The following MARCO variants were observed in gnomAD, a reference collection of about 807,000 sequenced individuals.
MARCO encodes macrophage receptor with collagenous structure, also known as macrophage receptor MARCO.
In MARCO, 72 loss-of-function variants were observed where a neutral mutation model predicts 70.0. The observed-to-expected ratio is 1.03, with a 90% CI of 0.85 to 1.25. The LOEUF (loss-of-function observed/expected upper bound fraction) is 1.25. Ranked by LOEUF, MARCO falls within the 50% of genes most tolerant of loss-of-function variation. The pLI, the probability that MARCO is intolerant of heterozygous loss-of-function variation, is 0.00. For synonymous variants in MARCO, 273 were observed against 243.1 expected, an observed-to-expected ratio of 1.12 and a Z score of -1.14; for missense variants, 696 against 659.3, an observed-to-expected ratio of 1.06 and a Z score of -0.61.
At chr2:118,988,620 A>T (rs1680559951) in intron 12 of MARCO, among the ~76,000 whole-genome samples, 1 of 151,928 alleles carries the variant, frequency 6.6e-6, no homozygotes, top group Non-Finnish European at 1.5e-5. Context: ...CTGGATGTGG[A>T]CTGTTTTCTA....
At position 118,992,425 on chromosome 2, in the gene MARCO, A is replaced by G. The variant is rs945159615; in HGVS notation, c.1208-7A>G. 2 of 1,613,562 alleles carry G rather than the reference A, an allele frequency of 1.2e-6. No homozygotes were observed. Among genetic ancestry groups the G allele is most frequent in the Non-Finnish European group, 1.7e-6 (2 of 1,179,506 alleles). ...TTCAAACCGTGTGGGTTTTCTCCTC[A>G]TGACAGGATCTTCTGGGGAGCAAGG... is the stretch of plus-strand genomic sequence containing the variant. On this transcript the variant is annotated splice_polypyrimidine_tract_variant and splice_region_variant and intron_variant, in intron 14 of 16. Transcript: ENST00000327097.
intron 12 of MARCO, among the ~76,000 whole-genome samples, chr2:118,986,536 AAG>A (rs201823074): frequency 2.5e-4 from 27 of 108,824 alleles, no homozygotes; most frequent in Non-Finnish European, 4.2e-4. Context: ...GAAAGAAAGA[AAG>A]AGAGAGAGAG....
rs193030286 is a variant in MARCO at position 118,994,284 on chromosome 2, G to A, written c.1430-103G>A. The A allele has an allele frequency of 6.5e-4, 828 of 1,280,992 alleles. 1 individual carries two copies. Among genetic ancestry groups the A allele is most frequent in the Non-Finnish European group, 8.3e-4 (741 of 888,350 alleles). 79.4% of individuals were successfully genotyped at this position (1,280,992 alleles called of 1,614,324 possible). A position where few individuals can be genotyped will look rare whatever the true frequency, so the allele number is the denominator to read the frequency against. On this transcript the variant is annotated intron_variant, in intron 16 of 16. Coordinates refer to ENST00000327097, the MANE Select transcript of MARCO (RefSeq NM_006770.4). ...AATGGGCCAGAATGAGTGAGAAGTC[G>A]GCAGTCCACCTCAGATGGAAGCTCC...
intron 1 of MARCO, among the ~76,000 whole-genome samples, chr2:118,961,801 T>C (rs1679952996): frequency 6.6e-6 from 1 of 152,242 alleles, no homozygotes; most frequent in African/African-American, 2.4e-5. Flanking sequence ...CCCATGCCTA[T>C]GTCCTGAATG....
intron 12 of MARCO, among the ~76,000 whole-genome samples, chr2:118,983,948 C>T (rs575092491): frequency 6.6e-6 from 1 of 152,130 alleles, no homozygotes; most frequent in Non-Finnish European, 1.5e-5. Flanking sequence ...GGAATCCTGC[C>T]CTGCCCTTTG....
At position 118,990,569 on chromosome 2, in the gene MARCO, C is replaced by CGGGGGGGGTG; in HGVS notation, c.1064-20_1064-19insGGGGGGGGTG. ...AGTTTTATTATCTCCTCCCCCCCCCCTTTTTTGTTTTGATCTTAGGACTTC... is the reference window on the plus strand; with the variant it reads ...AGTTTTATTATCTCCTCCCCCCCCCCGGGGGGGGTGTTTTTTGTTTTGATCTTAGGACTTC... On this transcript the variant is annotated intron_variant, in intron 12 of 16. Coordinates refer to ENST00000327097, the MANE Select transcript of MARCO (RefSeq NM_006770.4). The CGGGGGGGGTG allele has an allele frequency of 7.1e-7, 1 of 1,415,976 alleles. No individual in the cohort carries two copies. Among genetic ancestry groups the CGGGGGGGGTG allele is most frequent in the Non-Finnish European group, 9.7e-7 (1 of 1,028,330 alleles). The allele number at this position is 1,415,976 out of a possible 1,614,324, so 87.7% of individuals were successfully genotyped here. A position where few individuals can be genotyped will look rare whatever the true frequency, so the allele number is the denominator to read the frequency against.
chr2:118,947,942 A>C (rs989439907), intron 1 of MARCO, among the ~76,000 whole-genome samples: 4 of 152,192 alleles, frequency 2.6e-5, no homozygotes, highest in Admixed American at 6.5e-5. Flanking sequence ...TGATATCTTT[A>C]TTATTGCAGA....
At chr2:118,954,536 C>G (rs1470332946) in intron 1 of MARCO, among the ~76,000 whole-genome samples, 1 of 152,186 alleles carries the variant, frequency 6.6e-6, no homozygotes. Flanking sequence ...TCTAGGGCCA[C>G]ACCCACTGCC....
intron 1 of MARCO, among the ~76,000 whole-genome samples, chr2:118,954,140 T>C (rs1046103268): frequency 3.9e-5 from 6 of 152,330 alleles, no homozygotes; most frequent in African/African-American, 1.4e-4. Context: ...GCCCTTGTCT[T>C]TGGCAGCTGG....
chr2:118,965,005 GT>G (rs1680017908), intron 1 of MARCO, among the ~76,000 whole-genome samples: 1 of 151,434 alleles, frequency 6.6e-6, no homozygotes, highest in Non-Finnish European at 1.5e-5. Context: ...TGTTTTCAAT[GT>G]TTTAGTTATG....
At position 118,981,520 on chromosome 2, in the gene MARCO, G is replaced by A. The variant is rs199632664; in HGVS notation, c.865+13G>A. 3.1e-5 allele frequency: 49 copies of A among 1,600,142 alleles called. No individual in the cohort carries two copies. The African/African-American group carries it at 5.0e-4, about 16-fold the overall frequency. ...CCAGGCCCACCAGGTAAGAGGGCAC[G>A]TGGTCACATCCACTGACCTCTAGGT... On this transcript the variant is annotated intron_variant, in intron 9 of 16. Coordinates refer to ENST00000327097, the MANE Select transcript of MARCO (RefSeq NM_006770.4).
intron 16 of MARCO, among the ~76,000 whole-genome samples, chr2:118,994,030 G>A (rs1680673769): frequency 6.6e-6 from 1 of 152,202 alleles, no homozygotes; most frequent in Non-Finnish European, 1.5e-5. Flanking sequence ...GATTACAGAG[G>A]CATGTGAGGC....
chr2:118,947,038 A>C (rs2104544446), intron 1 of MARCO, among the ~76,000 whole-genome samples: 1 of 152,200 alleles, frequency 6.6e-6, no homozygotes, highest in South Asian at 2.1e-4. Context: ...TGGTTTTAAG[A>C]GTTCTTTATA....
intron 5 of MARCO, 33 bp from the exon 6 acceptor site, chr2:118,974,488 C>G (rs1680237799): frequency 6.2e-7 from 1 of 1,613,684 alleles, no homozygotes; most frequent in Non-Finnish European, 8.5e-7. Flanking sequence ...TCCTCCTTCT[C>G]TGGCTTCACT....
intron 13 of MARCO, among the ~76,000 whole-genome samples, chr2:118,991,185 G>C (rs1680614951): frequency 6.6e-6 from 1 of 151,890 alleles, no homozygotes; most frequent in Non-Finnish European, 1.5e-5. Context: ...GCAAAAGTGA[G>C]ATTTTTCAGA....
chr2:118,983,900 C>T (rs1390319812), intron 12 of MARCO, among the ~76,000 whole-genome samples: 2 of 152,166 alleles, frequency 1.3e-5, no homozygotes, highest in African/African-American at 4.8e-5. Flanking sequence ...GCTTACTCCC[C>T]AAGCCCCAAG....
intron 3 of MARCO, among the ~76,000 whole-genome samples, chr2:118,971,131 C>T (rs1040707494): frequency 6.6e-6 from 1 of 152,168 alleles, no homozygotes; most frequent in Non-Finnish European, 1.5e-5. Flanking sequence ...CACGTTCAGA[C>T]ACAGACACCA....
intron 12 of MARCO, among the ~76,000 whole-genome samples, chr2:118,986,606 A>G (rs1248671770): frequency 1.1e-3 from 17 of 15,636 alleles, no homozygotes; most frequent in African/African-American, 5.3e-3. Flanking sequence ...AGAAAGAAAG[A>G]AAGAAAGAAA....
chr2:118,972,633 G>T (rs1034634476), intron 4 of MARCO, among the ~76,000 whole-genome samples: 1 of 152,190 alleles, frequency 6.6e-6, no homozygotes, highest in Non-Finnish European at 1.5e-5. Flanking sequence ...CAAAGAGCAA[G>T]TACTCAATGA....
Sources: allele counts gnomAD v4.1 joint callset (sites outside exome capture counted in the v4.1 genomes callset), GRCh38; gene constraint gnomAD v4.1.1; transcripts MANE v1.5; gene names NCBI Gene and HGNC (gene_info 2026-07-23, HGNC 2026-07-21).